The following TIAM1 variants were observed in gnomAD, a reference collection of about 807,000 sequenced individuals.
TIAM1 encodes rho guanine nucleotide exchange factor TIAM1.
In TIAM1, 65 loss-of-function variants were observed where a neutral mutation model predicts 163.5. The observed-to-expected ratio is 0.40, with a 90% CI of 0.33 to 0.49. The LOEUF (loss-of-function observed/expected upper bound fraction) is 0.49. Among genes scored for constraint, TIAM1 ranks in the 20% least tolerant of loss-of-function variants. The pLI is 0.77. For synonymous variants in TIAM1, 833 were observed against 810.1 expected, an observed-to-expected ratio of 1.03 and a Z score of -0.48; for missense variants, 1,789 against 2,044.7, an observed-to-expected ratio of 0.87 and a Z score of 2.41.
intron 16 of TIAM1, among the ~76,000 whole-genome samples, chr21:31,159,405 T>C (rs1262366180): frequency 6.6e-6 from 1 of 152,190 alleles, no homozygotes; most frequent in Non-Finnish European, 1.5e-5. Flanking sequence ...TTTAAGCTCT[T>C]CCTGTTATGC....
Position 31,239,344 on chromosome 21 carries a change from T to G in TIAM1, c.1584+6144A>C, listed in dbSNP as rs149331364. ...CAGGGTCTTTCCATGTTGTCTAGGC[T>G]GGTCACAACCTCCTGGGCTCAGTGA... On this transcript the variant is annotated intron_variant, in intron 6 of 27. Coordinates refer to ENST00000541036, the MANE Select transcript of TIAM1 (RefSeq NM_001353694.2). Among the ~76,000 whole-genome samples the G allele has an allele frequency of 6.3e-3, 958 of 152,266 alleles. 9 individuals are homozygous for G. The highest frequency in any genetic ancestry group is 0.02 in the African/African-American group (850 of 41,550).
intron 2 of TIAM1, among the ~76,000 whole-genome samples, chr21:31,288,432 C>T (rs1174050315): frequency 6.6e-6 from 1 of 152,056 alleles, no homozygotes; most frequent in Non-Finnish European, 1.5e-5. Flanking sequence ...TCACAGATGG[C>T]ACCTTCCTGA....
At chr21:31,537,520 G>A (rs1407495952) in intron 1 of TIAM1, among the ~76,000 whole-genome samples, 1 of 151,918 alleles carries the variant, frequency 6.6e-6, no homozygotes, top group Non-Finnish European at 1.5e-5. Context: ...GGGAGGCTAA[G>A]GTGGGTGGAT....
chr21:31,523,554 G>A (rs960395664), intron 1 of TIAM1, among the ~76,000 whole-genome samples: 1 of 152,160 alleles, frequency 6.6e-6, no homozygotes, highest in East Asian at 1.9e-4. Context: ...CAACCTAGCT[G>A]TTTACTAATT....
Position 31,245,484 on chromosome 21 carries a change from A to C in TIAM1, c.1584+4T>G. On this transcript the variant is annotated splice_donor_region_variant and intron_variant, in intron 6 of 27. Coordinates refer to ENST00000541036, the MANE Select transcript of TIAM1 (RefSeq NM_001353694.2). ...ATGCCCTGCAAAGGAAGTGCCCAAC[A>C]AACCTGAAAAAGGAAGGCATCACCC... 1 of 1,493,092 alleles carries C rather than the reference A, an allele frequency of 6.7e-7. No individual in the cohort carries two copies. Among genetic ancestry groups the C allele is most frequent in the East Asian group, 2.5e-5 (1 of 39,832 alleles). The allele number at this position is 1,493,092 out of a possible 1,614,324, so 92.5% of individuals were successfully genotyped here. A position where few individuals can be genotyped will look rare whatever the true frequency, so the allele number is the denominator to read the frequency against.
chr21:31,553,141 C>T (rs1569429720), intron 1 of TIAM1, among the ~76,000 whole-genome samples: 1 of 152,100 alleles, frequency 6.6e-6, no homozygotes, highest in African/African-American at 2.4e-5. Context: ...TCTGAGAGAC[C>T]AAAGTGGGTC....
At chr21:31,490,300 A>G (rs1265549084) in intron 1 of TIAM1, among the ~76,000 whole-genome samples, 5 of 152,212 alleles carry the variant, frequency 3.3e-5, no homozygotes, top group Admixed American at 1.3e-4. Flanking sequence ...GATATCCTCA[A>G]GTTTAAAGAA....
At chr21:31,128,627 A>G (rs1425411737) in intron 25 of TIAM1, among the ~76,000 whole-genome samples, 1 of 152,230 alleles carries the variant, frequency 6.6e-6, no homozygotes, top group Non-Finnish European at 1.5e-5. Flanking sequence ...TTGCTGCCCT[A>G]GACTCACAAC....
intron 1 of TIAM1, among the ~76,000 whole-genome samples, chr21:31,468,745 C>T (rs1389161181): frequency 6.6e-6 from 1 of 152,136 alleles, no homozygotes; most frequent in Non-Finnish European, 1.5e-5. Context: ...CACTGCACTC[C>T]AGCCTGGGTG....
intron 2 of TIAM1, among the ~76,000 whole-genome samples, chr21:31,417,274 G>A (rs2147251839): frequency 6.6e-6 from 1 of 152,182 alleles, no homozygotes. Flanking sequence ...TGCCCACCTT[G>A]GCCTCCCAAA....
At chr21:31,416,950 T>C (rs774487041) in intron 2 of TIAM1, among the ~76,000 whole-genome samples, 3 of 152,260 alleles carry the variant, frequency 2.0e-5, no homozygotes, top group African/African-American at 4.8e-5. Context: ...ATGCTGCCTG[T>C]ATTCATCTGT....
At chr21:31,209,968 G>C in intron 11 of TIAM1, 77 bp downstream of exon 11, 1 of 1,502,040 alleles carries the variant, frequency 6.7e-7, no homozygotes. Flanking sequence ...ACGGCTCTGG[G>C]TTTCCACATG....
intron 15 of TIAM1, among the ~76,000 whole-genome samples, chr21:31,181,520 G>C (rs1372653910): frequency 6.9e-6 from 1 of 144,054 alleles, no homozygotes; most frequent in Admixed American, 6.9e-5. Context: ...AGGGCAGGGG[G>C]GTCACTGAAG....
upstream of TIAM1, among the ~76,000 whole-genome samples, chr21:31,348,076 C>T (rs943612677): frequency 2.0e-5 from 3 of 151,558 alleles, no homozygotes; most frequent in Admixed American, 6.6e-5. Flanking sequence ...AAAATTTTAA[C>T]TCAAGTGTTT....
In TIAM1 at chr21:31,394,605, G is replaced by A. The variant is rs1253929531; in HGVS notation, c.-368-55183C>T. Among the ~76,000 whole-genome samples the A allele has an allele frequency of 2.0e-5, 3 of 152,000 alleles. No homozygotes were observed. The East Asian group carries it at 5.8e-4, about 29-fold the overall frequency. ...GGAGAGGTGGGCCAGGAGTGAGAGA[G>A]GAAGGGGCGTACAGGAACTCTGCGC... is the stretch of plus-strand genomic sequence containing the variant. On this transcript the variant is annotated intron_variant, in intron 2 of 28. Coordinates refer to the TIAM1 transcript ENST00000286827.
intron 2 of TIAM1, among the ~76,000 whole-genome samples, chr21:31,379,364 G>A (rs755615100): frequency 2.0e-5 from 3 of 152,102 alleles, no homozygotes; most frequent in Non-Finnish European, 4.4e-5. Flanking sequence ...GAATACCAAG[G>A]GATGACTATA....
chr21:31,394,349 G>T (rs1205125350), intron 2 of TIAM1, among the ~76,000 whole-genome samples: 1 of 152,206 alleles, frequency 6.6e-6, no homozygotes, highest in East Asian at 1.9e-4. Flanking sequence ...GGAGATGGGG[G>T]AAAGGAGGGA....
intron 1 of TIAM1, among the ~76,000 whole-genome samples, chr21:31,484,625 G>GC (rs921002884): frequency 2.0e-5 from 3 of 152,160 alleles, no homozygotes; most frequent in African/African-American, 7.2e-5. Flanking sequence ...ATTAAAGCAG[G>GC]CCCCAAAGTC....
intron 1 of TIAM1, among the ~76,000 whole-genome samples, chr21:31,510,370 G>A (rs1261519857): frequency 6.6e-6 from 1 of 152,152 alleles, no homozygotes; most frequent in Non-Finnish European, 1.5e-5. Flanking sequence ...AGATGGATTA[G>A]AGCCCACCCT....
Sources: gnomAD v4.1 joint callset for allele counts (sites outside exome capture counted in the v4.1 genomes callset) on GRCh38, gnomAD v4.1.1 for gene constraint, MANE v1.5 for transcripts, NCBI Gene and HGNC (gene_info 2026-07-23, HGNC 2026-07-21) for gene names.